PNOC: variants seen among roughly 807,000 people sequenced by gnomAD.
PNOC encodes nociceptin.
In PNOC, 10 loss-of-function variants were observed where a neutral mutation model predicts 15.6. The ratio of observed to expected loss-of-function variants is 0.64; its 90% CI spans 0.40 to 1.09. The LOEUF (loss-of-function observed/expected upper bound fraction) is 1.09, where lower values mean the gene tolerates loss of function less well. Ranked by LOEUF, PNOC falls within the 50% of genes least tolerant of loss-of-function variation. PNOC has a pLI of 0.01. For synonymous variants in PNOC, 98 were observed against 88.5 expected, an observed-to-expected ratio of 1.11 and a Z score of -0.60; for missense variants, 220 against 223.9, an observed-to-expected ratio of 0.98 and a Z score of 0.11.
At chr8:28,317,627 C>A (rs1408022674) in intron 1 of PNOC, among the ~76,000 whole-genome samples, 1 of 152,060 alleles carries the variant, frequency 6.6e-6, no homozygotes, top group African/African-American at 2.4e-5. Flanking sequence ...TGCTCTGTGT[C>A]GAGAGGAGGC....
chr8:28,343,162 A>G lies in PNOC; in HGVS notation c.*268A>G, dbSNP rs544315480. 5.4e-6 allele frequency: 1 copy of G among 186,604 alleles called. No individual in the cohort carries two copies. Among genetic ancestry groups the G allele is most frequent in the Non-Finnish European group, 1.0e-5 (1 of 98,976 alleles). The allele number at this position is 186,604 out of a possible 1,614,324, so 11.6% of individuals were successfully genotyped here. A position where few individuals can be genotyped will look rare whatever the true frequency, so the allele number is the denominator to read the frequency against. ...TATTTTTGTAATTCCTCTAGCTACC[A>G]TTTCAATAGCCCCATCTCTCCTGCT... is the stretch of plus-strand genomic sequence containing the variant. On this transcript the variant is annotated 3_prime_UTR_variant, in exon 4 of 4. Coordinates refer to ENST00000301908, the MANE Select transcript of PNOC (RefSeq NM_006228.5).
chr8:28,338,059 GCTCC>G (rs1801443681), intron 2 of PNOC, among the ~76,000 whole-genome samples: 1 of 152,190 alleles, frequency 6.6e-6, no homozygotes, highest in Non-Finnish European at 1.5e-5. Context: ...CCAGGCAGGA[GCTCC>G]ACGCTATGAT....
chr8:28,320,387 A>C (rs189849698), intron 1 of PNOC, among the ~76,000 whole-genome samples: 62 of 152,168 alleles, frequency 4.1e-4, no homozygotes, highest in African/African-American at 1.4e-3. Context: ...CCAGGAGCAC[A>C]GGGTGGCCAG....
At chr8:28,328,897 A>T (rs1585831798) in intron 1 of PNOC, among the ~76,000 whole-genome samples, 1 of 152,092 alleles carries the variant, frequency 6.6e-6, no homozygotes, top group African/African-American at 2.4e-5. Flanking sequence ...CCCAGGACTA[A>T]CCCAGGAACC....
intron 3 of PNOC, among the ~76,000 whole-genome samples, chr8:28,342,534 G>A (rs1801540005): frequency 6.6e-6 from 1 of 152,058 alleles, no homozygotes; most frequent in Non-Finnish European, 1.5e-5. Context: ...CTTAGACTTT[G>A]ACCCTTCTAG....
In PNOC at chr8:28,330,400, T is replaced by TATTTTATTTTTTTTTTTA. The variant is rs1431540071; in HGVS notation, c.126+1117_126+1118insATTTTATTTTTTTTTTTA. 1.8e-3 allele frequency among the ~76,000 whole-genome samples: 183 copies of TATTTTATTTTTTTTTTTA among 102,256 alleles called. 3 individuals carry two copies. Among genetic ancestry groups the TATTTTATTTTTTTTTTTA allele is most frequent in the Admixed American group, 2.8e-3 (27 of 9,642 alleles). The allele number at this position is 102,256 out of a possible 152,430, so 67.1% of individuals were successfully genotyped here. ...TATTTTATTTTATTTTATTTTATTT[T>TATTTTATTTTTTTTTTTA]TTTTTTTTTTTTGAGACGGAGTCTT... is the stretch of plus-strand genomic sequence containing the variant. On this transcript the variant is annotated intron_variant, in intron 2 of 3. Transcript: ENST00000301908.
rs1801552815 is a variant in PNOC at position 28,343,079 on chromosome 8, T to C, written c.*185T>C. On this transcript the variant is annotated 3_prime_UTR_variant, in exon 4 of 4. Coordinates refer to ENST00000301908, the MANE Select transcript of PNOC (RefSeq NM_006228.5). ...TTGCCTCCAGAACCTTCCCGTCTGATTGTTCCTCCCCAGCCCCCTGGCATG... is the reference window on the plus strand; with the variant it reads ...TTGCCTCCAGAACCTTCCCGTCTGACTGTTCCTCCCCAGCCCCCTGGCATG... 8 of 766,526 alleles carry C rather than the reference T, an allele frequency of 1.0e-5. No homozygotes were observed. The highest frequency in any genetic ancestry group is 1.3e-5 in the Non-Finnish European group (8 of 629,506). 47.5% of individuals were successfully genotyped at this position (766,526 alleles called of 1,614,324 possible).
intron 1 of PNOC, among the ~76,000 whole-genome samples, chr8:28,328,486 A>G (rs1420514031): frequency 1.3e-5 from 2 of 151,572 alleles, no homozygotes; most frequent in East Asian, 3.9e-4. Flanking sequence ...AACAGGGATA[A>G]GAGGCAAGTA....
intron 1 of PNOC, among the ~76,000 whole-genome samples, chr8:28,322,140 C>G (rs1308476456): frequency 6.6e-6 from 1 of 152,138 alleles, no homozygotes; most frequent in Non-Finnish European, 1.5e-5. Context: ...GTAATCCCAG[C>G]ACCTTAGGGA....
rs1563328736 is a variant in PNOC at position 28,330,406 on chromosome 8, T to TTTATTTTATTTTA, written c.126+1125_126+1126insATTTTATTTTATT. 3.6e-3 allele frequency among the ~76,000 whole-genome samples: 358 copies of TTTATTTTATTTTA among 98,174 alleles called. 4 individuals carry two copies. The highest frequency in any genetic ancestry group is 0.019 in the African/African-American group (340 of 17,992). The allele number at this position is 98,174 out of a possible 152,430, so 64.4% of individuals were successfully genotyped here. A position where few individuals can be genotyped will look rare whatever the true frequency, so the allele number is the denominator to read the frequency against. ...ATTTTATTTTATTTTATTTTTTTTT[T>TTTATTTTATTTTA]TTTTTTGAGACGGAGTCTTGCTCTG... On this transcript the variant is annotated intron_variant, in intron 2 of 3. Coordinates refer to ENST00000301908, the MANE Select transcript of PNOC (RefSeq NM_006228.5).
At chr8:28,318,349 T>A (rs564831893) in intron 1 of PNOC, among the ~76,000 whole-genome samples, 4 of 152,206 alleles carry the variant, frequency 2.6e-5, no homozygotes, top group Non-Finnish European at 5.9e-5. Flanking sequence ...AACATCTGTG[T>A]TTAGCTTCCT....
At chr8:28,319,843 C>G (rs1048573700) in intron 1 of PNOC, among the ~76,000 whole-genome samples, 5 of 152,166 alleles carry the variant, frequency 3.3e-5, no homozygotes, top group African/African-American at 1.2e-4. Context: ...CAATGAGTGG[C>G]TGGCAGTGGC....
intron 2 of PNOC, among the ~76,000 whole-genome samples, chr8:28,330,400 T>TATTTTA (rs1431540071): frequency 1.8e-3 from 181 of 102,226 alleles, no homozygotes; most frequent in African/African-American, 5.7e-3. Flanking sequence ...TATTTTATTT[T>TATTTTA]TTTTTTTTTT....
At chr8:28,333,574 G>A (rs566029966) in intron 2 of PNOC, among the ~76,000 whole-genome samples, 1 of 152,300 alleles carries the variant, frequency 6.6e-6, no homozygotes, top group African/African-American at 2.4e-5. Flanking sequence ...TAAGTCAAGA[G>A]TTGAGATGAT....
intron 2 of PNOC, among the ~76,000 whole-genome samples, chr8:28,337,576 G>A (rs988921202): frequency 1.7e-5 from 2 of 119,428 alleles, no homozygotes; most frequent in Non-Finnish European, 1.7e-5. Flanking sequence ...CTGGGATTAC[G>A]TTTCCTTTTT....
chr8:28,339,468 T>G lies in PNOC; in HGVS notation c.*24T>G, dbSNP rs1385945422. 6.6e-7 allele frequency: 1 copy of G among 1,509,754 alleles called. No homozygotes were observed. Among genetic ancestry groups the G allele is most frequent in the Non-Finnish European group, 8.9e-7 (1 of 1,129,714 alleles). The allele number at this position is 1,509,754 out of a possible 1,614,324, so 93.5% of individuals were successfully genotyped here. A position where few individuals can be genotyped will look rare whatever the true frequency, so the allele number is the denominator to read the frequency against. On this transcript the variant is annotated 3_prime_UTR_variant, in exon 3 of 4. Transcript: ENST00000301908. ...AGCCGGAAGGGGCGCTCCTCCCAGC[T>G]GTACCGGCCACTGCAACCCATGAGT...
intron 1 of PNOC, among the ~76,000 whole-genome samples, chr8:28,319,383 C>A (rs925300850): frequency 6.6e-6 from 1 of 152,106 alleles, no homozygotes; most frequent in African/African-American, 2.4e-5. Context: ...ATCCAGAGAG[C>A]AAGTGCTAGA....
intron 3 of PNOC, among the ~76,000 whole-genome samples, chr8:28,340,380 CCTAA>C (rs1239284777): frequency 6.6e-6 from 1 of 152,158 alleles, no homozygotes; most frequent in Non-Finnish European, 1.5e-5. Flanking sequence ...CATCAAATAC[CCTAA>C]CTGATTGCCT....
At chr8:28,340,528 T>G (rs1801499214) in intron 3 of PNOC, among the ~76,000 whole-genome samples, 1 of 152,232 alleles carries the variant, frequency 6.6e-6, no homozygotes, top group Non-Finnish European at 1.5e-5. Context: ...CCTTAATTTG[T>G]ATATGGGAAT....
Sources: gnomAD v4.1 joint callset for allele counts (sites outside exome capture counted in the v4.1 genomes callset) on GRCh38, gnomAD v4.1.1 for gene constraint, MANE v1.5 for transcripts, NCBI Gene and HGNC (gene_info 2026-07-23, HGNC 2026-07-21) for gene names.